MTARC2: variants seen among roughly 807,000 people sequenced by gnomAD.
MTARC2 encodes the protein mitochondrial amidoxime reducing component 2.
In MTARC2, 27 loss-of-function variants were observed where a neutral mutation model predicts 35.6. That is an observed-to-expected ratio of 0.76 (90% confidence interval 0.56 to 1.04). The LOEUF (loss-of-function observed/expected upper bound fraction) is 1.04, where lower values mean the gene tolerates loss of function less well. Among genes scored for constraint, MTARC2 ranks in the 50% least tolerant of loss-of-function variants. MTARC2 has a pLI of 0.00. For synonymous variants in MTARC2, 158 were observed against 167.1 expected (o/e 0.95, Z 0.42); for missense variants, 412 against 432.5 (o/e 0.95, Z 0.42).
intron 4 of MTARC2, among the ~76,000 whole-genome samples, chr1:220,769,932 T>TAAAAAAAA (rs1553254311): frequency 1.3e-4 from 3 of 23,540 alleles, no homozygotes; most frequent in African/African-American, 6.5e-4. Context: ...CTACTAAAAA[T>TAAAAAAAA]ACAAAAAAAA....
intron 4 of MTARC2, among the ~76,000 whole-genome samples, chr1:220,772,174 T>C (rs1171124540): frequency 1.3e-5 from 2 of 152,200 alleles, no homozygotes; most frequent in African/African-American, 2.4e-5. Context: ...TTAGGTTGTT[T>C]TCCATTTTCT....
intron 2 of MTARC2, among the ~76,000 whole-genome samples, chr1:220,755,526 G>T (rs144683035): frequency 1.3e-5 from 2 of 152,290 alleles, no homozygotes; most frequent in African/African-American, 4.8e-5. Flanking sequence ...GAAAGGAGAA[G>T]CAAGGCAGGG....
intron 4 of MTARC2, among the ~76,000 whole-genome samples, chr1:220,769,578 A>G (rs1440731526): frequency 6.6e-6 from 1 of 152,094 alleles, no homozygotes; most frequent in Admixed American, 6.5e-5. Context: ...AACTGGCAGG[A>G]GTTGCGGATG....
At chr1:220,757,422 C>T (rs935665866) in intron 2 of MTARC2, among the ~76,000 whole-genome samples, 3 of 152,144 alleles carry the variant, frequency 2.0e-5, no homozygotes, top group Non-Finnish European at 4.4e-5. Context: ...GGATTCGTTG[C>T]CAAGGGAACT....
At chr1:220,748,858 G>A (rs558666626) in intron 1 of MTARC2, 55 bp downstream of exon 1, 6 of 1,492,940 alleles carry the variant, frequency 4.0e-6, no homozygotes, top group African/African-American at 1.4e-5. Context: ...ATGAGGAGCG[G>A]GGGGGCAGGT....
In MTARC2 at chr1:220,760,773, C is replaced by T. The variant is rs144791735; in HGVS notation, c.447-885C>T. Among the ~76,000 whole-genome samples the T allele has an allele frequency of 1.4e-3, 211 of 151,774 alleles. 2 individuals carry two copies. The highest frequency in any genetic ancestry group is 4.9e-3 in the African/African-American group (203 of 41,404). On this transcript the variant is annotated intron_variant, in intron 2 of 7. Transcript: ENST00000366913. ...ATTCAAAAGAAATACAGTAAGTGAGCGATAGCCATAAAAATACATTAGGAT... is the reference window on the plus strand; with the variant it reads ...ATTCAAAAGAAATACAGTAAGTGAGTGATAGCCATAAAAATACATTAGGAT...
chr1:220,782,370 T>G (rs943770026), intron 7 of MTARC2, among the ~76,000 whole-genome samples: 2 of 152,198 alleles, frequency 1.3e-5, no homozygotes, highest in African/African-American at 4.8e-5. Flanking sequence ...TTTTATCAAA[T>G]GTATTTTTAA....
At chr1:220,760,023 G>A (rs943036867) in intron 2 of MTARC2, among the ~76,000 whole-genome samples, 7 of 152,112 alleles carry the variant, frequency 4.6e-5, no homozygotes, top group African/African-American at 1.7e-4. Flanking sequence ...CCTTCCCACG[G>A]GGAGGGGCAA....
chr1:220,752,942 C>T (rs3015251), intron 1 of MTARC2, among the ~76,000 whole-genome samples: 51,501 of 150,612 alleles, frequency 0.34, 11,047 homozygotes, highest in East Asian at 0.69. Context: ...GGGCTGGGCA[C>T]GGTGGCTCAC....
intron 1 of MTARC2, among the ~76,000 whole-genome samples, chr1:220,753,939 A>C (rs2102543237): frequency 6.6e-6 from 1 of 151,966 alleles, no homozygotes; most frequent in Admixed American, 6.5e-5. Context: ...AATCCCAGCT[A>C]CCCGGGAGGC....
intron 2 of MTARC2, among the ~76,000 whole-genome samples, chr1:220,760,601 C>T (rs1425201572): frequency 6.6e-6 from 1 of 152,076 alleles, no homozygotes; most frequent in Non-Finnish European, 1.5e-5. Flanking sequence ...AATAAAATTT[C>T]ACTTTTTAAG....
intron 4 of MTARC2, among the ~76,000 whole-genome samples, chr1:220,768,503 G>A (rs1671645894): frequency 6.6e-6 from 1 of 152,162 alleles, no homozygotes; most frequent in Non-Finnish European, 1.5e-5. Flanking sequence ...GTGTGGCCAA[G>A]TGAGGACTTG....
rs550703759 is a variant in MTARC2, at chr1:220,765,456, G to A, written c.750+2406G>A. On this transcript the variant is annotated intron_variant, in intron 4 of 7. Transcript: ENST00000366913. ...TGCATTCTTCCAATAAATATCTGCC[G>A]AATGCCTGTACAGTGTGCCAGGCAC... is the stretch of plus-strand genomic sequence containing the variant. Among the ~76,000 whole-genome samples the A allele has an allele frequency of 8.5e-5, 13 of 152,336 alleles. No individual in the cohort carries two copies. The South Asian group carries it at 2.1e-3, about 24-fold the overall frequency.
intron 5 of MTARC2, 22 bp from the exon 6 acceptor site, chr1:220,780,146 A>G: frequency 6.2e-7 from 1 of 1,610,750 alleles, no homozygotes; most frequent in Non-Finnish European, 8.5e-7. Flanking sequence ...GCATCACCTA[A>G]CCCTTGGTTA....
rs1207867069 is a variant in MTARC2, at chr1:220,748,483, C to T, written c.-49C>T. ...AGGGCCTCCTCGTCCTCCCGGTCTC[C>T]GGTCGCTGCCGGGTCTGTGCGCCGG... is the stretch of plus-strand genomic sequence containing the variant. On this transcript the variant is annotated 5_prime_UTR_variant, in exon 1 of 8. Transcript: ENST00000366913. 2 of 1,349,968 alleles carry T rather than the reference C, an allele frequency of 1.5e-6. No individual in the cohort carries two copies. The highest frequency in any genetic ancestry group is 4.0e-5 in the Admixed American group (1 of 24,750). 83.6% of individuals were successfully genotyped at this position (1,349,968 alleles called of 1,614,324 possible).
intron 4 of MTARC2, among the ~76,000 whole-genome samples, chr1:220,763,286 A>C (rs543313499): frequency 6.6e-5 from 10 of 152,286 alleles, no homozygotes; most frequent in African/African-American, 2.4e-4. Flanking sequence ...CAAACAGTCA[A>C]AACTCGAAAT....
intron 4 of MTARC2, among the ~76,000 whole-genome samples, chr1:220,772,943 C>T (rs1209473270): frequency 1.3e-5 from 2 of 152,154 alleles, no homozygotes; most frequent in Non-Finnish European, 2.9e-5. Flanking sequence ...GTCTCTGGTT[C>T]CTGGCACAAG....
At chr1:220,767,280 A>G (rs1194875140) in intron 4 of MTARC2, among the ~76,000 whole-genome samples, 2 of 152,236 alleles carry the variant, frequency 1.3e-5, no homozygotes, top group East Asian at 3.8e-4. Context: ...AACTCTTTCA[A>G]TGAGTAGGAC....
chr1:220,781,254 T>C (rs1011991922), intron 6 of MTARC2, among the ~76,000 whole-genome samples: 1 of 152,218 alleles, frequency 6.6e-6, no homozygotes. Flanking sequence ...GTGAAAGTTA[T>C]TGTTTTCTTT....
Sources: allele counts gnomAD v4.1 joint callset (sites outside exome capture counted in the v4.1 genomes callset), GRCh38; gene constraint gnomAD v4.1.1; transcripts MANE v1.5; gene names NCBI Gene and HGNC (gene_info 2026-07-23, HGNC 2026-07-21).